Variants in ZYG11B observed in about 807,000 individuals in gnomAD.
The protein encoded by ZYG11B is zyg-11 family member B, cell cycle regulator.
ZYG11B carries 36 observed loss-of-function variants against 82.4 expected under a neutral mutation model. The ratio of observed to expected loss-of-function variants is 0.44; its 90% CI spans 0.33 to 0.58. ZYG11B has a LOEUF of 0.58. Among genes scored for constraint, ZYG11B ranks in the 20% least tolerant of loss-of-function variants. ZYG11B has a pLI of 0.02. For missense variants in ZYG11B, 552 were observed against 895.6 expected (o/e 0.62, Z 4.90); for synonymous variants, 303 against 312.8 (o/e 0.97, Z 0.33).
chr1:52,751,282 A>G (rs1033251397), intron 1 of ZYG11B, among the ~76,000 whole-genome samples: 1 of 91,978 alleles, frequency 1.1e-5, no homozygotes, highest in African/African-American at 4.2e-5. Context: ...CACCCTACCC[A>G]TTTATCAGTT....
chr1:52,794,117 G>C (rs1029609144), intron 6 of ZYG11B, among the ~76,000 whole-genome samples: 1 of 151,860 alleles, frequency 6.6e-6, no homozygotes, highest in East Asian at 1.9e-4. Flanking sequence ...TGAGACTATA[G>C]GCGCGCACCA....
At chr1:52,767,447 G>A (rs1221508789) in intron 2 of ZYG11B, among the ~76,000 whole-genome samples, 1 of 152,104 alleles carries the variant, frequency 6.6e-6, no homozygotes, top group African/African-American at 2.4e-5. Context: ...TGAGATTACA[G>A]GCAGGCACCA....
chr1:52,772,658 G>A (rs1571767076), intron 3 of ZYG11B: 3 of 816,978 alleles, frequency 3.7e-6, no homozygotes, highest in Admixed American at 1.9e-5. Context: ...TGATGGCGGC[G>A]ATCAGGCAAC....
At chr1:52,747,744 A>G (rs1644489090) in intron 1 of ZYG11B, among the ~76,000 whole-genome samples, 3 of 152,134 alleles carry the variant, frequency 2.0e-5, no homozygotes, top group Admixed American at 2.0e-4. Flanking sequence ...TGTAAAAGAA[A>G]ACTAGCTTGG....
At chr1:52,729,910 C>T (rs988867718) in intron 1 of ZYG11B, among the ~76,000 whole-genome samples, 5 of 152,056 alleles carry the variant, frequency 3.3e-5, no homozygotes, top group South Asian at 4.1e-4. Context: ...CAGGCTCAAG[C>T]GATCCTCTCA....
At chr1:52,740,668 A>G (rs946668556) in intron 1 of ZYG11B, among the ~76,000 whole-genome samples, 3 of 151,398 alleles carry the variant, frequency 2.0e-5, no homozygotes, top group East Asian at 2.0e-4. Flanking sequence ...GGTTCAAGCA[A>G]TTCTCATGGC....
Position 52,801,866 on chromosome 1 carries a change from C to T in ZYG11B, c.1533C>T (p.Asp511=). 1 of 1,609,644 alleles carries T rather than the reference C, an allele frequency of 6.2e-7. No homozygotes were observed. Among genetic ancestry groups the T allele is most frequent in the Non-Finnish European group, 8.5e-7 (1 of 1,178,462 alleles). The stretch of plus-strand genomic sequence containing the variant: ...AGAAAACCAATCAAAATTCAGTGGA[C>T]ACTACATTGAAATTTACTTTGAGTG... ...VKQKTNQNSV[D]TTLKFTLSAL... The change falls in exon 9 of 14, where the codon GAC becomes GAT. Residue 511 remains aspartate (D), a synonymous_variant. Transcript: ENST00000294353.
chr1:52,807,443 A>G (rs958169553), intron 10 of ZYG11B, among the ~76,000 whole-genome samples: 2 of 151,582 alleles, frequency 1.3e-5, no homozygotes, highest in South Asian at 4.2e-4. Context: ...GCTCACACCT[A>G]TAATCCCTAA....
chr1:52,770,502 T>TA (rs1644740411), intron 2 of ZYG11B, among the ~76,000 whole-genome samples: 1 of 152,214 alleles, frequency 6.6e-6, no homozygotes, highest in Admixed American at 6.5e-5. Context: ...TTGTGGTACA[T>TA]AAACTCTGCA....
intron 10 of ZYG11B, among the ~76,000 whole-genome samples, chr1:52,802,678 A>C (rs1645086741): frequency 6.6e-6 from 1 of 151,296 alleles, no homozygotes; most frequent in African/African-American, 2.4e-5. Flanking sequence ...TTCTAGGCGA[A>C]TGAACAAAAA....
chr1:52,738,985 CTTT>C (rs10643364), intron 1 of ZYG11B, among the ~76,000 whole-genome samples: 1 of 106,298 alleles, frequency 9.4e-6, no homozygotes, highest in African/African-American at 4.0e-5. Context: ...GCCCTGTAAC[CTTT>C]TTTTTTTTTT....
At chr1:52,755,733 G>A (rs771505176) in intron 1 of ZYG11B, among the ~76,000 whole-genome samples, 13 of 151,834 alleles carry the variant, frequency 8.6e-5, no homozygotes, top group Non-Finnish European at 1.8e-4. Context: ...TCGAACTCCC[G>A]ACCTCAGGTG....
chr1:52,790,006 C>T lies in ZYG11B; in HGVS notation c.1273C>T (p.Gln425Ter). Reference protein sequence around the residue: ...MEHFPNHQQLQKNCLLSLCSD... With the variant: ...MEHFPNHQQL ...TTTTCTTCCTTTGATTCTTTAGTTA[C>T]AGAAGAATTGCCTCCTTTCACTTTG... The change falls in exon 6 of 14, where the codon CAG becomes TAG. Residue 425 changes from glutamine to a stop codon, truncating the protein, a stop_gained. Transcript: ENST00000294353. LOFTEE classifies it high-confidence loss of function. The T allele has an allele frequency of 6.4e-7, 1 of 1,573,690 alleles. No individual in the cohort carries two copies. The highest frequency in any genetic ancestry group is 8.6e-7 in the Non-Finnish European group (1 of 1,156,920).
At chr1:52,753,980 C>T (rs1236874208) in intron 1 of ZYG11B, among the ~76,000 whole-genome samples, 1 of 151,640 alleles carries the variant, frequency 6.6e-6, no homozygotes, top group Non-Finnish European at 1.5e-5. Context: ...ATCTGTCTGC[C>T]TCGGCCTCCC....
At chr1:52,816,732 C>A in intron 13 of ZYG11B, 103 bp downstream of exon 13, 5 of 709,742 alleles carry the variant, frequency 7.0e-6, no homozygotes, top group East Asian at 3.2e-5. Flanking sequence ...TTTTTAAGAA[C>A]ACTGACTTAA....
chr1:52,762,984 G>A (rs892455063), intron 2 of ZYG11B, among the ~76,000 whole-genome samples: 13 of 140,694 alleles, frequency 9.2e-5, no homozygotes, highest in East Asian at 2.3e-4. Context: ...ATTGGGGGGG[G>A]GGGGTCTAGT....
At chr1:52,759,672 A>G (rs1036132358) in intron 2 of ZYG11B, among the ~76,000 whole-genome samples, 4 of 152,194 alleles carry the variant, frequency 2.6e-5, no homozygotes, top group African/African-American at 9.6e-5. Flanking sequence ...CCATCTTTAA[A>G]CAGTCAAGAT....
chr1:52,816,490 A>T (rs1328831848), intron 12 of ZYG11B, 42 bp from the exon 13 acceptor site: 6 of 1,386,202 alleles, frequency 4.3e-6, no homozygotes, highest in Non-Finnish European at 6.1e-6. Flanking sequence ...AATTACGCTA[A>T]ATATGGGATG....
chr1:52,728,781 T>G (rs755341753), intron 1 of ZYG11B, among the ~76,000 whole-genome samples: 1 of 152,036 alleles, frequency 6.6e-6, no homozygotes, highest in Non-Finnish European at 1.5e-5. Flanking sequence ...TTGAATAGGA[T>G]TTATATAGAT....
Sources: gnomAD v4.1 joint callset for allele counts (sites outside exome capture counted in the v4.1 genomes callset) on GRCh38, gnomAD v4.1.1 for gene constraint, MANE v1.5 for transcripts, NCBI Gene and HGNC (gene_info 2026-07-23, HGNC 2026-07-21) for gene names.